Variants in ZNF560 observed in about 807,000 individuals in gnomAD.
ZNF560 encodes zinc finger protein 560.
A neutral mutation model predicts 81.8 loss-of-function variants in ZNF560; 54 were observed. That is an observed-to-expected ratio of 0.66 (90% confidence interval 0.53 to 0.83). ZNF560 has a LOEUF of 0.83. ZNF560 is among the 40% of genes least tolerant of loss of function. ZNF560 has a pLI of 0.00. For missense variants in ZNF560, 940 were observed against 932.4 expected, an observed-to-expected ratio of 1.01 and a Z score of -0.11; for synonymous variants, 321 against 317.9, an observed-to-expected ratio of 1.01 and a Z score of -0.10.
chr19:9,459,189 A>G, the ZNF560 span, among the ~76,000 whole-genome samples: 1 of 152,242 alleles, frequency 6.6e-6, no homozygotes, highest in East Asian at 1.9e-4. Context: ...GCAGTTGCAA[A>G]AACAGAAAGG....
Position 9,467,974 on chromosome 19 carries a change from A to C in ZNF560, c.973T>G (p.Cys325Gly). Residue 325 changes from cysteine (C) to glycine (G), a missense_variant, in exon 10 of 10, where the codon TGT becomes GGT. By Grantham distance (159) the Cys-to-Gly change is radical. Transcript: ENST00000301480. ...SGEKLNEWKQCGEAFTHSTSH... is the reference protein window; with the variant it reads ...SGEKLNEWKQGGEAFTHSTSH... Reference sequence around the variant, plus strand: ...GTGGAGTGAGTAAATGCTTCCCCACATTGCTTCCATTCATTGAGTTTTTCT... The same window carrying C: ...GTGGAGTGAGTAAATGCTTCCCCACCTTGCTTCCATTCATTGAGTTTTTCT... 1.2e-6 allele frequency: 2 copies of C among 1,614,130 alleles called. No homozygotes were observed. Among genetic ancestry groups the C allele is most frequent in the Middle Eastern group, 1.6e-4 (1 of 6,062 alleles).
intron 2 of ZNF560, among the ~76,000 whole-genome samples, chr19:9,491,325 T>C (rs2073469533): frequency 6.6e-6 from 1 of 152,070 alleles, no homozygotes. Flanking sequence ...TCTCACTATG[T>C]TGGCCAGGCT....
chr19:9,488,058 G>T (rs1198096587), intron 2 of ZNF560, among the ~76,000 whole-genome samples: 1 of 151,254 alleles, frequency 6.6e-6, no homozygotes, highest in African/African-American at 2.4e-5. Flanking sequence ...GGGTCATGGG[G>T]GTAGATCTCA....
intron 2 of ZNF560, among the ~76,000 whole-genome samples, chr19:9,497,534 CAA>C (rs58468618): frequency 0.045 from 3,068 of 67,452 alleles, 93 homozygotes; most frequent in African/African-American, 0.13. Flanking sequence ...GACCCCCTCT[CAA>C]AAAAAAAAAA....
At chr19:9,448,479 C>T in the ZNF560 span, among the ~76,000 whole-genome samples, 1 of 147,274 alleles carries the variant, frequency 6.8e-6, no homozygotes, top group Non-Finnish European at 1.5e-5. Context: ...GAGGTGTCCA[C>T]CCTCCTCAGC....
intron 9 of ZNF560, 82 bp downstream of exon 9, chr19:9,469,023 T>A: frequency 8.8e-7 from 1 of 1,136,412 alleles, no homozygotes; most frequent in Non-Finnish European, 1.3e-6. Context: ...CCACCGTGCC[T>A]GGCCATTTCT....
At chr19:9,496,496 T>A (rs1354672810) in intron 2 of ZNF560, among the ~76,000 whole-genome samples, 1 of 147,764 alleles carries the variant, frequency 6.8e-6, no homozygotes, top group Non-Finnish European at 1.5e-5. Context: ...AGTGCTGGGA[T>A]TATAGGCGTG....
intron 2 of ZNF560, among the ~76,000 whole-genome samples, chr19:9,495,938 A>C (rs1213185738): frequency 6.6e-6 from 1 of 152,230 alleles, no homozygotes; most frequent in Non-Finnish European, 1.5e-5. Flanking sequence ...ATTTCTCTCC[A>C]GAATAATTTT....
At chr19:9,462,426 G>C (rs561330392), downstream of ZNF560, among the ~76,000 whole-genome samples, 11 of 152,314 alleles carry the variant, frequency 7.2e-5, no homozygotes, top group Admixed American at 2.0e-4. Context: ...ACAAACTACA[G>C]AAACGATGTT....
At chr19:9,485,871 A>G (rs2073376746) in intron 2 of ZNF560, among the ~76,000 whole-genome samples, 1 of 152,184 alleles carries the variant, frequency 6.6e-6, no homozygotes, top group African/African-American at 2.4e-5. Context: ...GTTGAGAAAC[A>G]TGCTCAAGTA....
intron 2 of ZNF560, among the ~76,000 whole-genome samples, chr19:9,490,383 C>T (rs1214115152): frequency 6.6e-6 from 1 of 152,134 alleles, no homozygotes; most frequent in African/African-American, 2.4e-5. Context: ...GACAATGAGG[C>T]CACATCGAAT....
intron 8 of ZNF560, 102 bp downstream of exon 8, chr19:9,469,528 G>T: frequency 9.6e-7 from 1 of 1,037,280 alleles, no homozygotes; most frequent in South Asian, 1.3e-5. Context: ...CAAGTCCAGT[G>T]GACAGCCTTC....
Position 9,466,365 on chromosome 19 carries a change from A to AG in ZNF560, c.*208_*209insC. The AG allele has an allele frequency of 2.0e-6, 1 of 494,368 alleles. No individual in the cohort carries two copies. 30.6% of individuals were successfully genotyped at this position (494,368 alleles called of 1,614,324 possible). A position where few individuals can be genotyped will look rare whatever the true frequency, so the allele number is the denominator to read the frequency against. ...ATCAAAAAAAAAAAAAGAGAGAGAG[A>AG]AGAACTAGTGTTTTCCTACATCCCT... On this transcript the variant is annotated 3_prime_UTR_variant, in exon 10 of 10. Coordinates refer to ENST00000301480, the MANE Select transcript of ZNF560 (RefSeq NM_152476.3).
the ZNF560 span, among the ~76,000 whole-genome samples, chr19:9,455,277 A>C: frequency 2.0e-5 from 3 of 152,190 alleles, no homozygotes; most frequent in Non-Finnish European, 1.5e-5. Flanking sequence ...TCTGTCAAAA[A>C]ATGTTGCTAC....
chr19:9,492,021 C>T (rs1015030834), intron 2 of ZNF560, among the ~76,000 whole-genome samples: 3 of 150,634 alleles, frequency 2.0e-5, no homozygotes, highest in African/African-American at 7.3e-5. Flanking sequence ...CACTCTGTCA[C>T]CCAGGCTGGA....
the ZNF560 span, among the ~76,000 whole-genome samples, chr19:9,458,737 A>G: frequency 6.6e-6 from 1 of 152,212 alleles, no homozygotes; most frequent in Non-Finnish European, 1.5e-5. Flanking sequence ...CAATTCCACA[A>G]TTTAACACAC....
At chr19:9,464,535 T>C (rs984542570), downstream of ZNF560, among the ~76,000 whole-genome samples, 2 of 152,238 alleles carry the variant, frequency 1.3e-5, no homozygotes, top group African/African-American at 4.8e-5. Context: ...CCTGACCATT[T>C]ATCTGAAAAG....
chr19:9,500,765 C>T (rs1002537155), upstream of ZNF560, among the ~76,000 whole-genome samples: 4 of 151,934 alleles, frequency 2.6e-5, no homozygotes, highest in African/African-American at 7.3e-5. Context: ...TTAGTAGAGA[C>T]GGGGTTTCAC....
chr19:9,501,354 T>A, upstream of ZNF560, among the ~76,000 whole-genome samples: 1 of 149,468 alleles, frequency 6.7e-6, no homozygotes, highest in Non-Finnish European at 1.5e-5. Flanking sequence ...TGTGTGTGTG[T>A]GTGTGTGTGT....
Sources: allele counts gnomAD v4.1 joint callset (sites outside exome capture counted in the v4.1 genomes callset), GRCh38; gene constraint gnomAD v4.1.1; transcripts MANE v1.5; gene names NCBI Gene and HGNC (gene_info 2026-07-23, HGNC 2026-07-21).